Variants in PLCL2 observed in about 807,000 individuals in gnomAD.
PLCL2 encodes the protein phospholipase C like 2, also known as inactive phospholipase C-like protein 2.
A neutral mutation model predicts 79.6 loss-of-function variants in PLCL2; 4 were observed. The observed-to-expected ratio is 0.05, with a 90% CI of 0.02 to 0.11. The LOEUF (loss-of-function observed/expected upper bound fraction) is 0.11, where lower values mean the gene tolerates loss of function less well. Ranked by LOEUF, PLCL2 falls within the 10% of genes least tolerant of loss-of-function variation. The probability of loss-of-function intolerance (pLI) is 1.00; values close to 1 mark genes in which losing one functional copy is unlikely to be tolerated. For synonymous variants in PLCL2, 484 were observed against 457.7 expected (o/e 1.06, Z -0.73); for missense variants, 895 against 1,291.0 (o/e 0.69, Z 4.70).
chr3:17,039,334 C>G (rs1040942516), intron 3 of PLCL2, among the ~76,000 whole-genome samples: 1 of 152,196 alleles, frequency 6.6e-6, no homozygotes, highest in Non-Finnish European at 1.5e-5. Flanking sequence ...GAAGGCCCAT[C>G]GCCTAACCTG....
chr3:16,901,294 T>G (rs984176782), intron 1 of PLCL2, among the ~76,000 whole-genome samples: 2 of 152,230 alleles, frequency 1.3e-5, no homozygotes, highest in African/African-American at 4.8e-5. Context: ...CTTCAGAATG[T>G]GGGGGCCACA....
intron 1 of PLCL2, among the ~76,000 whole-genome samples, chr3:16,916,325 G>T (rs866134096): frequency 3.9e-5 from 6 of 152,022 alleles, no homozygotes; most frequent in Non-Finnish European, 8.8e-5. Flanking sequence ...TGGGTTATAG[G>T]TTTCACTGAG....
chr3:16,940,895 G>T (rs1329784837), intron 1 of PLCL2, among the ~76,000 whole-genome samples: 5 of 152,182 alleles, frequency 3.3e-5, no homozygotes. Flanking sequence ...GATGGCTGCT[G>T]CTCCTACTTC....
intron 1 of PLCL2, among the ~76,000 whole-genome samples, chr3:16,980,442 T>G (rs1463703376): frequency 4.8e-5 from 6 of 125,110 alleles, no homozygotes; most frequent in African/African-American, 6.3e-5. Context: ...AGGCAGAGGG[T>G]CTCCTCACTT....
chr3:16,935,582 A>G (rs927617801), intron 1 of PLCL2, among the ~76,000 whole-genome samples: 3 of 152,190 alleles, frequency 2.0e-5, no homozygotes, highest in South Asian at 4.1e-4. Flanking sequence ...TGATCGGAAT[A>G]ATAATTTTTT....
At chr3:16,896,324 C>T (rs1215539242) in intron 1 of PLCL2, among the ~76,000 whole-genome samples, 1 of 152,054 alleles carries the variant, frequency 6.6e-6, no homozygotes, top group Non-Finnish European at 1.5e-5. Flanking sequence ...GAGAGAGGGG[C>T]AGCTTGCTGG....
In PLCL2 at chr3:17,011,168, C is replaced by A; in HGVS notation, c.1822C>A (p.Pro608Thr). ...KENMEQPNNV[P>T]VKRFQLCKEL... The stretch of plus-strand genomic sequence containing the variant: ...GAACATGGAGCAACCCAATAATGTG[C>A]CTGTGAAGCGATTTCAGCTTTGTAA... The change falls in exon 2 of 6, where the codon CCT becomes ACT. Residue 608 changes from proline (P) to threonine (T), a missense_variant. Pro to Thr is a conservative substitution (Grantham distance 38). This residue lies in a region of PLCL2 where 242 missense variants were observed against 399.5 expected (regional missense o/e 0.61). Transcript: ENST00000615277. The surrounding 1 kb of genome is among the most constrained non-coding windows in gnomAD (Gnocchi z 7.9). The A allele has an allele frequency of 6.2e-7, 1 of 1,614,146 alleles. No homozygotes were observed. Among genetic ancestry groups the A allele is most frequent in the East Asian group, 2.2e-5 (1 of 44,866 alleles).
At chr3:16,975,672 G>A (rs1366233520) in intron 1 of PLCL2, among the ~76,000 whole-genome samples, 2 of 152,088 alleles carry the variant, frequency 1.3e-5, no homozygotes, top group African/African-American at 2.4e-5. Context: ...GGCGGCAGGA[G>A]TGTGTGTGTG....
At chr3:17,028,443 T>C (rs1171685552) in intron 3 of PLCL2, among the ~76,000 whole-genome samples, 5 of 152,166 alleles carry the variant, frequency 3.3e-5, no homozygotes, top group African/African-American at 1.2e-4. Context: ...TCGTCACAAC[T>C]TATAATTATA....
At chr3:16,987,495 C>A (rs560457439) in intron 1 of PLCL2, among the ~76,000 whole-genome samples, 139 of 152,096 alleles carry the variant, frequency 9.1e-4, no homozygotes, top group Non-Finnish European at 1.7e-3. Flanking sequence ...TGAAATTTAT[C>A]ATCTTTACAA....
At chr3:16,904,306 C>CAAAAAAAAAA (rs547582289) in intron 1 of PLCL2, among the ~76,000 whole-genome samples, 1,530 of 115,868 alleles carry the variant, frequency 0.013, 18 homozygotes, top group African/African-American at 0.021. Flanking sequence ...GAGATCTTGA[C>CAAAAAAAAAA]AAAAAAAAAA....
chr3:17,034,450 G>A (rs2064620768), intron 3 of PLCL2, among the ~76,000 whole-genome samples: 2 of 152,198 alleles, frequency 1.3e-5, no homozygotes, highest in Admixed American at 6.5e-5. Context: ...TCATCCAAAT[G>A]CACGGCAATA....
At chr3:16,977,777 G>A (rs1389422599) in intron 1 of PLCL2, among the ~76,000 whole-genome samples, 2 of 152,120 alleles carry the variant, frequency 1.3e-5, no homozygotes. Context: ...CCTTGACTGG[G>A]TAGCTTATAA....
intron 5 of PLCL2, among the ~76,000 whole-genome samples, chr3:17,079,643 G>A (rs755270451): frequency 4.6e-5 from 7 of 152,272 alleles, no homozygotes; most frequent in East Asian, 1.9e-4. Context: ...CGCCTCCTCC[G>A]TGGTGCTGCC....
Position 16,931,474 on chromosome 3 carries a change from A to G in PLCL2, c.327+46108A>G, listed in dbSNP as rs139213427. Reference sequence around the variant, plus strand: ...TAAATGTTCTGTTCCTATAAAAACAATTTAAATAGAGACTTTCTTTATCAG... The same window carrying G: ...TAAATGTTCTGTTCCTATAAAAACAGTTTAAATAGAGACTTTCTTTATCAG... On this transcript the variant is annotated intron_variant, in intron 1 of 5. Transcript: ENST00000615277. 7.9e-5 allele frequency among the ~76,000 whole-genome samples: 12 copies of G among 152,302 alleles called. No homozygotes were observed. In the East Asian group the frequency reaches 2.3e-3, roughly 29 times the overall value.
At chr3:17,055,989 C>T (rs2064888522) in intron 4 of PLCL2, among the ~76,000 whole-genome samples, 3 of 152,110 alleles carry the variant, frequency 2.0e-5, no homozygotes, top group South Asian at 2.1e-4. Flanking sequence ...TTGCCCTTCC[C>T]GGGGTACCTG....
intron 1 of PLCL2, among the ~76,000 whole-genome samples, chr3:17,006,104 A>G (rs1319249595): frequency 6.6e-6 from 1 of 152,244 alleles, no homozygotes; most frequent in African/African-American, 2.4e-5. Context: ...TGTATAGCAC[A>G]TGTAGGTTGA....
chr3:17,066,370 A>G (rs1170583871), intron 4 of PLCL2, among the ~76,000 whole-genome samples: 3 of 152,222 alleles, frequency 2.0e-5, no homozygotes, highest in African/African-American at 4.8e-5. Context: ...CACAGAAGTA[A>G]AAAGCCTAAA....
Position 17,010,319 on chromosome 3 carries a change from G to A in PLCL2, c.973G>A (p.Glu325Lys), listed in dbSNP as rs201807569. 1.4e-5 allele frequency: 22 copies of A among 1,614,100 alleles called. No homozygotes were observed. Among genetic ancestry groups the A allele is most frequent in the South Asian group, 5.5e-5 (5 of 91,076 alleles). Residue 325 changes from glutamate to lysine, a missense_variant, in exon 2 of 6, where the codon GAG becomes AAG. Physicochemically the swap from Glu to Lys is moderately conservative, Grantham distance 56. This residue lies in a region of PLCL2 where 93 missense variants were observed against 93.2 expected (regional missense o/e 1.00). Transcript: ENST00000615277. The surrounding 1 kb of genome is among the most constrained non-coding windows in gnomAD (Gnocchi z 5.8). ...TAAATCAAAGGACAAAGCTGGTACC[G>A]AGGTCACAAAGGAAGAATTTATTGA... The part of the protein sequence containing the change: ...LHKSKDKAGT[E>K]VTKEEFIEVF...
Sources: allele counts gnomAD v4.1 joint callset (sites outside exome capture counted in the v4.1 genomes callset), GRCh38; gene constraint gnomAD v4.1.1; regional missense constraint gnomAD v4.1.1; non-coding constraint Gnocchi (gnomAD v3.1); transcripts MANE v1.5; gene names NCBI Gene and HGNC (gene_info 2026-07-23, HGNC 2026-07-21).